Variants in NDE1 observed in about 807,000 individuals in gnomAD.
The protein encoded by NDE1 is nuclear distribution protein nudE homolog 1.
Under a neutral mutation model 43.4 loss-of-function variants are expected in NDE1, and 28 were observed. The observed-to-expected ratio is 0.65, with a 90% confidence interval of 0.48 to 0.89. NDE1 has a LOEUF of 0.89. Ranked by LOEUF, NDE1 falls within the 40% of genes least tolerant of loss-of-function variation. The probability of loss-of-function intolerance (pLI) is 0.00; values close to 1 mark genes in which losing one functional copy is unlikely to be tolerated. For missense variants in NDE1, 441 were observed against 434.1 expected, an observed-to-expected ratio of 1.02 and a Z score of -0.14; for synonymous variants, 184 against 172.0, an observed-to-expected ratio of 1.07 and a Z score of -0.55.
intron 8 of NDE1, chr16:15,708,936 T>C: frequency 7.8e-7 from 1 of 1,288,690 alleles, no homozygotes; most frequent in South Asian, 1.3e-5. Flanking sequence ...TTTGCTTCGA[T>C]TTAATAATTA....
At chr16:15,676,319 C>G (rs898437915) in intron 3 of NDE1, among the ~76,000 whole-genome samples, 3 of 145,854 alleles carry the variant, frequency 2.1e-5, no homozygotes, top group Non-Finnish European at 4.5e-5. Context: ...AAGCGATTCT[C>G]CCGCGTCAGC....
At position 15,677,873 on chromosome 16, in the gene NDE1, A is replaced by G; in HGVS notation, c.310A>G (p.Lys104Glu). 6.2e-6 allele frequency: 10 copies of G among 1,614,150 alleles called. No homozygotes were observed. Among genetic ancestry groups the G allele is most frequent in the Non-Finnish European group, 8.5e-6 (10 of 1,180,030 alleles). The change falls in exon 4 of 9, where the codon AAA becomes GAA. Residue 104 changes from lysine (K) to glutamate (E), a missense_variant. Coordinates refer to ENST00000396354, the MANE Select transcript of NDE1 (RefSeq NM_017668.3). ...CTTGGAGGATGACCTCGCGCAGACC[A>G]AAGCCATTAAAGACCAATTGCAGAA... ...SALEDDLAQTKAIKDQLQKYI... is the reference protein window; with the variant it reads ...SALEDDLAQTEAIKDQLQKYI...
chr16:15,696,943 C>T (rs773545150), intron 8 of NDE1, 83 bp downstream of exon 8: 120 of 1,571,772 alleles, frequency 7.6e-5, no homozygotes, highest in Non-Finnish European at 1.0e-4. Flanking sequence ...AGCCCACAGC[C>T]ATGTGTCTTT....
chr16:15,698,948 G>A (rs912292074), intron 8 of NDE1, among the ~76,000 whole-genome samples: 4 of 151,902 alleles, frequency 2.6e-5, no homozygotes, highest in African/African-American at 4.8e-5. Flanking sequence ...GCAGTGGTGC[G>A]ACCATAGCTC....
Position 15,725,997 on chromosome 16 carries a change from T to C in NDE1, c.*1746T>C. The stretch of plus-strand genomic sequence containing the variant: ...CCCCAGCTGGGCACTCCAGCTCTAC[T>C]GGCTGTATGTCTCTCTCCTAATTTT... On this transcript the variant is annotated 3_prime_UTR_variant, in exon 9 of 9. Coordinates refer to ENST00000396354, the MANE Select transcript of NDE1 (RefSeq NM_017668.3). The C allele has an allele frequency of 3.4e-6, 1 of 297,184 alleles. No homozygotes were observed. The highest frequency in any genetic ancestry group is 6.2e-6 in the Non-Finnish European group (1 of 162,152). 18.4% of individuals were successfully genotyped at this position (297,184 alleles called of 1,614,324 possible).
At chr16:15,657,737 A>G (rs1047420493) in intron 1 of NDE1, among the ~76,000 whole-genome samples, 1 of 151,962 alleles carries the variant, frequency 6.6e-6, no homozygotes, top group Non-Finnish European at 1.5e-5. Context: ...CTGGGACTAC[A>G]GGCACGCACC....
intron 8 of NDE1, among the ~76,000 whole-genome samples, chr16:15,712,645 C>T (rs894596885): frequency 9.2e-5 from 14 of 152,096 alleles, no homozygotes; most frequent in Admixed American, 9.2e-4. Context: ...AAGCAGGTTT[C>T]GAGGTGAGGG....
upstream of NDE1, among the ~76,000 whole-genome samples, chr16:15,649,025 G>C (rs908881813): frequency 6.6e-6 from 1 of 151,838 alleles, no homozygotes; most frequent in African/African-American, 2.4e-5. Flanking sequence ...GTGAAACCCC[G>C]TCTCTACTAA....
intron 1 of NDE1, among the ~76,000 whole-genome samples, chr16:15,658,431 T>C (rs1234027526): frequency 6.6e-6 from 1 of 152,198 alleles, no homozygotes; most frequent in African/African-American, 2.4e-5. Flanking sequence ...TGTCACTGGC[T>C]CATCGTGGGT....
rs1469040974 is a variant in NDE1, at chr16:15,691,342, G to C, written c.703+19G>C. 2 of 1,613,130 alleles carry C rather than the reference G, an allele frequency of 1.2e-6. No individual in the cohort carries two copies. On this transcript the variant is annotated intron_variant, in intron 6 of 8. Transcript: ENST00000396354. ...AGACGTGGTAAGGGGAGTGGGAATT[G>C]CAGGATTTTCTCGGTTCACAAAGTG... is the stretch of plus-strand genomic sequence containing the variant.
At position 15,659,677 on chromosome 16, in the gene NDE1, T is replaced by C. The variant is rs2036949136; in HGVS notation, c.-43-5059T>C. ...GTTTCAGACTCCTGAGCTCAGGTGA[T>C]TCACCTGCCCTGGCCTCCCAAAGTA... is the stretch of plus-strand genomic sequence containing the variant. On this transcript the variant is annotated intron_variant, in intron 1 of 8. Coordinates refer to ENST00000396354, the MANE Select transcript of NDE1 (RefSeq NM_017668.3). Among the ~76,000 whole-genome samples, 4 of 151,736 alleles carry C rather than the reference T, an allele frequency of 2.6e-5. No homozygotes were observed. The South Asian group carries it at 8.3e-4, about 32-fold the overall frequency.
intron 1 of NDE1, among the ~76,000 whole-genome samples, chr16:15,659,740 G>T (rs1450755008): frequency 7.4e-6 from 1 of 134,862 alleles, no homozygotes; most frequent in Non-Finnish European, 1.6e-5. Flanking sequence ...CCCGGCCTTG[G>T]ACACAATCTT....
In NDE1 at chr16:15,696,674, T is replaced by G. The variant is rs749861419; in HGVS notation, c.796-35T>G. On this transcript the variant is annotated intron_variant, in intron 7 of 8. Coordinates refer to ENST00000396354, the MANE Select transcript of NDE1 (RefSeq NM_017668.3). Reference sequence around the variant, plus strand: ...CTGGTAAGACAGAATAGTCCTTGCCTATAACTTGAGAGATAAAAGTGTATT... The same window carrying G: ...CTGGTAAGACAGAATAGTCCTTGCCGATAACTTGAGAGATAAAAGTGTATT... 3.1e-6 allele frequency: 5 copies of G among 1,613,992 alleles called. No individual in the cohort carries two copies. The African/African-American group carries it at 6.7e-5, about 22-fold the overall frequency.
At chr16:15,703,290 G>A (rs1183370115) in intron 8 of NDE1, 1 of 226,826 alleles carries the variant, frequency 4.4e-6, no homozygotes, top group African/African-American at 2.2e-5. Flanking sequence ...TCTGAGGTGT[G>A]GAAACCAGGA....
intron 6 of NDE1, among the ~76,000 whole-genome samples, chr16:15,692,495 C>T (rs1404530378): frequency 6.6e-6 from 1 of 152,104 alleles, no homozygotes; most frequent in African/African-American, 2.4e-5. Context: ...CTGTAACCCC[C>T]TCCTCCCAGG....
intron 1 of NDE1, among the ~76,000 whole-genome samples, chr16:15,661,156 G>GTTTT (rs56830963): frequency 7.6e-6 from 1 of 132,224 alleles, no homozygotes; most frequent in Admixed American, 7.8e-5. Flanking sequence ...AGTTTTACTT[G>GTTTT]TTTTTTTTTT....
intron 3 of NDE1, among the ~76,000 whole-genome samples, chr16:15,676,603 C>G (rs140007548): frequency 1.3e-5 from 2 of 152,084 alleles, no homozygotes; most frequent in Non-Finnish European, 2.9e-5. Context: ...TTCAGAATGG[C>G]GGACTGTTTT....
chr16:15,699,970 G>C lies in NDE1; in HGVS notation c.947+3110G>C, dbSNP rs140434500. ...AGCTTTGCGGCCCAAGCCAATGACC[G>C]AGGCCATCACCTGTGCTCTGGGGTT... is the stretch of plus-strand genomic sequence containing the variant. On this transcript the variant is annotated intron_variant, in intron 8 of 8. Coordinates refer to ENST00000396354, the MANE Select transcript of NDE1 (RefSeq NM_017668.3). 165 of 1,205,876 alleles carry C rather than the reference G, an allele frequency of 1.4e-4. 3 individuals are homozygous for C. In the South Asian group the frequency reaches 2.4e-3, roughly 17 times the overall value. 74.7% of individuals were successfully genotyped at this position (1,205,876 alleles called of 1,614,324 possible). A position where few individuals can be genotyped will look rare whatever the true frequency, so the allele number is the denominator to read the frequency against.
chr16:15,683,230 T>G (rs577506719), intron 4 of NDE1: 5 of 152,334 alleles, frequency 3.3e-5, no homozygotes, highest in Non-Finnish European at 5.9e-5. Context: ...TTATATTTAC[T>G]GAAAATCTGT....
Sources: allele counts gnomAD v4.1 joint callset (sites outside exome capture counted in the v4.1 genomes callset), GRCh38; gene constraint gnomAD v4.1.1; transcripts MANE v1.5; gene names NCBI Gene and HGNC (gene_info 2026-07-23, HGNC 2026-07-21).